Variants in LRRC4C observed in about 807,000 individuals in gnomAD.
The protein encoded by LRRC4C is leucine-rich repeat-containing protein 4C.
Under a neutral mutation model 33.6 loss-of-function variants are expected in LRRC4C, and 5 were observed. The ratio of observed to expected loss-of-function variants is 0.15; its 90% confidence interval spans 0.08 to 0.31. The LOEUF (loss-of-function observed/expected upper bound fraction) is 0.31. LRRC4C is among the 10% of genes least tolerant of loss of function. LRRC4C has a pLI of 1.00. For synonymous variants in LRRC4C, 329 were observed against 302.0 expected, an observed-to-expected ratio of 1.09 and a Z score of -0.93; for missense variants, 560 against 796.7, an observed-to-expected ratio of 0.70 and a Z score of 3.58.
At chr11:41,201,591 T>C (rs1334987044) in intron 1 of LRRC4C, among the ~76,000 whole-genome samples, 1 of 152,184 alleles carries the variant, frequency 6.6e-6, no homozygotes, top group Non-Finnish European at 1.5e-5. Context: ...AATTGTCTCC[T>C]GAGAATCTGT....
intron 3 of LRRC4C, among the ~76,000 whole-genome samples, chr11:40,513,248 CAAAA>C (rs1171178910): frequency 9.1e-5 from 5 of 55,016 alleles, no homozygotes; most frequent in South Asian, 8.1e-4. Context: ...GACTCCGTCT[CAAAA>C]AAAAAAAAAA....
intron 3 of LRRC4C, among the ~76,000 whole-genome samples, chr11:40,535,873 C>T (rs761147938): frequency 6.6e-6 from 1 of 152,190 alleles, no homozygotes; most frequent in Admixed American, 6.5e-5. Context: ...TAAAAGGAAG[C>T]ATTGCACCTA....
At chr11:40,629,995 A>G (rs187644742) in intron 3 of LRRC4C, among the ~76,000 whole-genome samples, 354 of 152,236 alleles carry the variant, frequency 2.3e-3, no homozygotes, top group African/African-American at 8.0e-3. Flanking sequence ...CTAATATCAT[A>G]AATAATTAAT....
intron 1 of LRRC4C, among the ~76,000 whole-genome samples, chr11:41,442,468 T>TTTTCTTTTTTTTTTTTTTTTTTTTC (rs3040490): frequency 2.8e-5 from 3 of 106,534 alleles, no homozygotes; most frequent in Non-Finnish European, 5.6e-5. Context: ...CTTTTTTTTT[T>TTTTCTTTTTTTTTTTTTTTTTTTTC]TTTTTTTTTT....
intron 1 of LRRC4C, among the ~76,000 whole-genome samples, chr11:40,937,827 G>A (rs1303066259): frequency 1.3e-5 from 2 of 151,820 alleles, no homozygotes; most frequent in African/African-American, 4.8e-5. Flanking sequence ...GTTGTTGTTT[G>A]TTTGTTTGTT....
chr11:40,423,141 A>G (rs1950581427), intron 3 of LRRC4C, among the ~76,000 whole-genome samples: 1 of 152,034 alleles, frequency 6.6e-6, no homozygotes, highest in Non-Finnish European at 1.5e-5. Flanking sequence ...TTATGATGTG[A>G]GTGTCACCAA....
intron 1 of LRRC4C, among the ~76,000 whole-genome samples, chr11:40,964,683 C>T (rs942431178): frequency 1.3e-5 from 2 of 151,884 alleles, no homozygotes; most frequent in African/African-American, 4.8e-5. Context: ...ATCCATGTCC[C>T]TACAAAGGAC....
At chr11:40,656,666 G>A (rs914102078) in intron 2 of LRRC4C, among the ~76,000 whole-genome samples, 1 of 152,136 alleles carries the variant, frequency 6.6e-6, no homozygotes, top group African/African-American at 2.4e-5. Context: ...TAATGAAGTT[G>A]TGTACTATGT....
chr11:41,296,469 C>T lies in LRRC4C; in HGVS notation c.-496+162962G>A, dbSNP rs968389695. Reference sequence around the variant, plus strand: ...ATCTGGGATTACAGGCACTCACCACCGTACCCAGCTAATTTTTGTATTTTT... The same window carrying T: ...ATCTGGGATTACAGGCACTCACCACTGTACCCAGCTAATTTTTGTATTTTT... On this transcript the variant is annotated intron_variant, in intron 1 of 6. Transcript: ENST00000528697. Among the ~76,000 whole-genome samples the T allele has an allele frequency of 9.2e-5, 14 of 151,964 alleles. 1 individual carries two copies. The highest frequency in any genetic ancestry group is 3.3e-4 in the Admixed American group (5 of 15,254).
chr11:41,311,289 TTGCTCA>T (rs1384379062), intron 1 of LRRC4C, among the ~76,000 whole-genome samples: 1 of 152,204 alleles, frequency 6.6e-6, no homozygotes, highest in Non-Finnish European at 1.5e-5. Flanking sequence ...CTGATGAGTC[TTGCTCA>T]TTTTGAGTTT....
chr11:40,735,000 A>G (rs185118287), intron 2 of LRRC4C, among the ~76,000 whole-genome samples: 112 of 152,254 alleles, frequency 7.4e-4, no homozygotes, highest in South Asian at 2.7e-3. Flanking sequence ...TCTCTTCTGC[A>G]GCTGGGAGGC....
intron 1 of LRRC4C, among the ~76,000 whole-genome samples, chr11:41,425,452 A>G (rs118178540): frequency 0.014 from 2,077 of 152,170 alleles, 14 homozygotes; most frequent in South Asian, 0.046. Flanking sequence ...CCTCTGGCTG[A>G]GTAAAGAAGT....
chr11:40,346,737 T>C (rs1020909367), intron 3 of LRRC4C, among the ~76,000 whole-genome samples: 2 of 152,204 alleles, frequency 1.3e-5, no homozygotes, highest in Non-Finnish European at 2.9e-5. Context: ...CATGAATCTC[T>C]TTGTATGTCT....
At chr11:40,587,442 C>G (rs1591191983) in intron 3 of LRRC4C, among the ~76,000 whole-genome samples, 1 of 147,990 alleles carries the variant, frequency 6.8e-6, no homozygotes, top group Non-Finnish European at 1.5e-5. Context: ...TTCACTTCCT[C>G]TTTTCCTAAT....
At chr11:40,392,577 A>G (rs1949379379) in intron 3 of LRRC4C, among the ~76,000 whole-genome samples, 1 of 152,142 alleles carries the variant, frequency 6.6e-6, no homozygotes, top group Non-Finnish European at 1.5e-5. Flanking sequence ...GAAGACATGG[A>G]ACTTTTCATT....
intron 2 of LRRC4C, among the ~76,000 whole-genome samples, chr11:40,665,368 A>ATATATATATATG (rs1943745196): frequency 2.3e-5 from 1 of 44,354 alleles, no homozygotes; most frequent in Non-Finnish European, 5.2e-5. Context: ...ATATATGTAT[A>ATATATATATATG]TATATATATA....
intron 4 of LRRC4C, among the ~76,000 whole-genome samples, chr11:40,299,052 C>T (rs1944649108): frequency 6.6e-6 from 1 of 152,118 alleles, no homozygotes; most frequent in Non-Finnish European, 1.5e-5. Context: ...AAAACGAAAG[C>T]AAGTGGAGAA....
intron 3 of LRRC4C, among the ~76,000 whole-genome samples, chr11:40,425,092 C>T (rs1296269804): frequency 6.6e-6 from 1 of 151,258 alleles, no homozygotes; most frequent in Non-Finnish European, 1.5e-5. Context: ...TTTAACTTTA[C>T]TTTCAGAAGA....
chr11:40,903,472 T>C (rs991417684), intron 2 of LRRC4C, among the ~76,000 whole-genome samples: 2 of 152,180 alleles, frequency 1.3e-5, no homozygotes, highest in African/African-American at 4.8e-5. Context: ...TCTTGTTAAT[T>C]AAGAAATACA....
Sources: gnomAD v4.1 joint callset for allele counts (sites outside exome capture counted in the v4.1 genomes callset) on GRCh38, gnomAD v4.1.1 for gene constraint, MANE v1.5 for transcripts, NCBI Gene and HGNC (gene_info 2026-07-23, HGNC 2026-07-21) for gene names.